The following PXDNL variants were observed in gnomAD, a reference collection of about 807,000 sequenced individuals.
The protein encoded by PXDNL is probable oxidoreductase PXDNL.
PXDNL carries 145 observed loss-of-function variants against 150.8 expected under a neutral mutation model. The observed-to-expected ratio is 0.96, with a 90% CI of 0.84 to 1.10. The LOEUF is 1.10. PXDNL is among the 50% of genes least tolerant of loss of function. The pLI, the probability that PXDNL is intolerant of heterozygous loss-of-function variation, is 0.00. For synonymous variants in PXDNL, 757 were observed against 725.7 expected, an observed-to-expected ratio of 1.04 and a Z score of -0.69; for missense variants, 2,087 against 1,873.9, an observed-to-expected ratio of 1.11 and a Z score of -2.10.
intron 3 of PXDNL, among the ~76,000 whole-genome samples, chr8:51,571,097 GA>G (rs201495009): frequency 2.1e-4 from 30 of 143,026 alleles, no homozygotes; most frequent in Admixed American, 1.2e-3. Flanking sequence ...CTTTTTTTTT[GA>G]AAAAAAAAAT....
chr8:51,732,785 T>A (rs1009917922), intron 1 of PXDNL, among the ~76,000 whole-genome samples: 1 of 152,034 alleles, frequency 6.6e-6, no homozygotes, highest in East Asian at 1.9e-4. Flanking sequence ...CTTTATAAAA[T>A]CATCAGATCT....
intron 1 of PXDNL, among the ~76,000 whole-genome samples, chr8:51,698,418 C>T (rs1816188671): frequency 6.6e-6 from 1 of 152,142 alleles, no homozygotes; most frequent in Non-Finnish European, 1.5e-5. Flanking sequence ...TTTGCTCATC[C>T]ATAAGAAGCA....
intron 3 of PXDNL, 28 bp from the exon 4 acceptor site, chr8:51,556,939 T>C (rs1440823565): frequency 1.5e-6 from 2 of 1,326,664 alleles, no homozygotes; most frequent in African/African-American, 2.9e-5. Flanking sequence ...TGTCATTAAA[T>C]TATAAATTAG....
intron 1 of PXDNL, among the ~76,000 whole-genome samples, chr8:51,705,843 G>GTGTA (rs1563513190): frequency 1.4e-5 from 2 of 142,762 alleles, no homozygotes; most frequent in African/African-American, 5.5e-5. Context: ...GCGCGCGCGC[G>GTGTA]CGCGCGCGCG....
At chr8:51,412,431 A>G (rs937078151) in intron 15 of PXDNL, among the ~76,000 whole-genome samples, 5 of 152,208 alleles carry the variant, frequency 3.3e-5, no homozygotes, top group Admixed American at 6.5e-5. Flanking sequence ...TCACCCAGAC[A>G]GAAAGTAATG....
intron 1 of PXDNL, among the ~76,000 whole-genome samples, chr8:51,696,666 GGTC>G (rs1816136452): frequency 1.7e-5 from 1 of 59,694 alleles, no homozygotes. Flanking sequence ...TCCACACACA[GGTC>G]CACACACATC....
At chr8:51,456,492 G>A (rs906109476) in intron 9 of PXDNL, among the ~76,000 whole-genome samples, 1 of 152,264 alleles carries the variant, frequency 6.6e-6, no homozygotes, top group African/African-American at 2.4e-5. Flanking sequence ...AGCCGGCTCT[G>A]GAGAGCCAGT....
chr8:51,407,975 C>G, intron 17 of PXDNL, 92 bp downstream of exon 17: 1 of 1,147,874 alleles, frequency 8.7e-7, no homozygotes, highest in South Asian at 1.6e-5. Context: ...GCAGCACCCC[C>G]AGGGAACCAA....
intron 17 of PXDNL, among the ~76,000 whole-genome samples, chr8:51,404,770 C>G (rs1808388112): frequency 6.6e-6 from 1 of 152,232 alleles, no homozygotes; most frequent in African/African-American, 2.4e-5. Flanking sequence ...CCCAGTGGAT[C>G]CTGCACCAGG....
chr8:51,528,110 T>C (rs1811805924), intron 4 of PXDNL, among the ~76,000 whole-genome samples: 1 of 152,154 alleles, frequency 6.6e-6, no homozygotes. Flanking sequence ...CAAATATTAA[T>C]AAAAATGGTC....
At chr8:51,688,546 G>A (rs770338699) in intron 1 of PXDNL, among the ~76,000 whole-genome samples, 1 of 152,138 alleles carries the variant, frequency 6.6e-6, no homozygotes, top group East Asian at 1.9e-4. Flanking sequence ...GTTGGAGGAA[G>A]AGGGCAGAAT....
At chr8:51,464,117 A>C (rs1182518290) in intron 8 of PXDNL, among the ~76,000 whole-genome samples, 7 of 152,092 alleles carry the variant, frequency 4.6e-5, no homozygotes, top group Non-Finnish European at 1.5e-5. Flanking sequence ...TAATACCAGC[A>C]CTTTGGGAGG....
At chr8:51,712,355 A>C (rs1585693706) in intron 1 of PXDNL, among the ~76,000 whole-genome samples, 1 of 152,316 alleles carries the variant, frequency 6.6e-6, no homozygotes, top group East Asian at 1.9e-4. Flanking sequence ...GGCACATCTG[A>C]CTGGCTTTAC....
intron 21 of PXDNL, among the ~76,000 whole-genome samples, chr8:51,323,730 A>T (rs1001105948): frequency 2.0e-5 from 3 of 151,978 alleles, no homozygotes; most frequent in African/African-American, 4.8e-5. Flanking sequence ...CCGGGTCAAC[A>T]TGGTGAAACC....
At chr8:51,404,821 G>C (rs537361874) in intron 17 of PXDNL, among the ~76,000 whole-genome samples, 3 of 152,204 alleles carry the variant, frequency 2.0e-5, no homozygotes, top group African/African-American at 7.2e-5. Context: ...GCAGTGCGCC[G>C]GCACTCCTCA....
At chr8:51,715,171 C>A (rs551738523) in intron 1 of PXDNL, among the ~76,000 whole-genome samples, 1 of 152,232 alleles carries the variant, frequency 6.6e-6, no homozygotes, top group East Asian at 1.9e-4. Context: ...AGACAAACAA[C>A]CCAATTCAAA....
chr8:51,494,079 C>T (rs374317231), intron 5 of PXDNL, among the ~76,000 whole-genome samples: 2 of 152,182 alleles, frequency 1.3e-5, no homozygotes, highest in African/African-American at 4.8e-5. Flanking sequence ...AACAGCGGAT[C>T]TCTCAGCAGA....
intron 3 of PXDNL, among the ~76,000 whole-genome samples, chr8:51,585,628 A>G (rs1404679068): frequency 6.6e-6 from 1 of 152,140 alleles, no homozygotes; most frequent in African/African-American, 2.4e-5. Context: ...GTTTGGAGTG[A>G]GTAGAAGTAA....
intron 17 of PXDNL, among the ~76,000 whole-genome samples, chr8:51,393,668 G>T (rs1807978679): frequency 6.6e-6 from 1 of 152,220 alleles, no homozygotes; most frequent in South Asian, 2.1e-4. Flanking sequence ...ATTCACCAAA[G>T]GATATCAAGA....
Sources: allele counts gnomAD v4.1 joint callset (sites outside exome capture counted in the v4.1 genomes callset), GRCh38; gene constraint gnomAD v4.1.1; transcripts MANE v1.5; gene names NCBI Gene and HGNC (gene_info 2026-07-23, HGNC 2026-07-21).